Variants in POLD1 observed in about 807,000 individuals in gnomAD.
The protein encoded by POLD1 is DNA polymerase delta catalytic subunit.
Under a neutral mutation model 129.7 loss-of-function variants are expected in POLD1, and 79 were observed. The ratio of observed to expected loss-of-function variants is 0.61; its 90% CI spans 0.51 to 0.73. The LOEUF (loss-of-function observed/expected upper bound fraction) is 0.73, where lower values mean the gene tolerates loss of function less well. Ranked by LOEUF, POLD1 falls within the 30% of genes least tolerant of loss-of-function variation. The pLI is 0.00. For synonymous variants in POLD1, 714 were observed against 683.3 expected, an observed-to-expected ratio of 1.04 and a Z score of -0.70; for missense variants, 1,338 against 1,595.8, an observed-to-expected ratio of 0.84 and a Z score of 2.75.
Position 50,403,531 on chromosome 19 carries a change from G to A in POLD1, c.1176G>A (p.Val392=). ...TCATCCGTATCATGGACCCCGACGT[G>A]ATCACCGGTTACAACATCCAGAACT... ...STFIRIMDPD[V]ITGYNIQNFD... Residue 392 remains valine (V), a synonymous_variant, in exon 10 of 27, where the codon GTG becomes GTA. Transcript: ENST00000440232. 1.2e-6 allele frequency: 2 copies of A among 1,614,100 alleles called. No individual in the cohort carries two copies. Among genetic ancestry groups the A allele is most frequent in the Non-Finnish European group, 1.7e-6 (2 of 1,179,958 alleles).
rs200345841 is a variant in POLD1, at chr19:50,407,048, G to A, written c.1560G>A (p.Leu520=). ...VYCLKDAYLP[L]RLLERLMVLV... ...GCCTGAAGGATGCCTACCTGCCACT[G>A]CGGCTGCTGGAGCGGCTCATGGTGC... Residue 520 remains leucine (L), a synonymous_variant, in exon 13 of 27, where the codon CTG becomes CTA. Transcript: ENST00000440232. 13 of 1,613,602 alleles carry A rather than the reference G, an allele frequency of 8.1e-6. No individual in the cohort carries two copies. In the Admixed American group the frequency reaches 2.2e-4, roughly 27 times the overall value.
At chr19:50,384,626 G>A (rs1305763175) in intron 1 of POLD1, among the ~76,000 whole-genome samples, 1 of 152,052 alleles carries the variant, frequency 6.6e-6, no homozygotes, top group Non-Finnish European at 1.5e-5. Flanking sequence ...GGGCACCGTG[G>A]GGCGGGACGT....
Position 50,407,015 on chromosome 19 carries a change from T to A in POLD1, c.1527T>A (p.Ala509=), listed in dbSNP as rs1229053013. 6.2e-7 allele frequency: 1 copy of A among 1,609,690 alleles called. No homozygotes were observed. Among genetic ancestry groups the A allele is most frequent in the Non-Finnish European group, 8.5e-7 (1 of 1,178,482 alleles). The change falls in exon 13 of 27, where the codon GCT becomes GCA. Residue 509 remains alanine (A), a synonymous_variant. Coordinates refer to ENST00000440232, the MANE Select transcript of POLD1 (RefSeq NM_002691.4). ...ACGACCAGACCCGCCGCCGCCTGGC[T>A]GTGTACTGCCTGAAGGATGCCTACC... ...NGNDQTRRRL[A]VYCLKDAYLP... is the part of the protein sequence containing the mutation.
intron 3 of POLD1, among the ~76,000 whole-genome samples, chr19:50,401,290 A>G (rs1038175131): frequency 7.8e-5 from 11 of 141,794 alleles, no homozygotes; most frequent in Admixed American, 2.2e-4. Context: ...TATAACATAT[A>G]TTATATATTA....
rs1045893889 is a variant in POLD1, at chr19:50,388,977, C to T, written c.-2+4587C>T. Among the ~76,000 whole-genome samples, 7 of 151,510 alleles carry T rather than the reference C, an allele frequency of 4.6e-5. No homozygotes were observed. In the South Asian group the frequency reaches 6.3e-4, roughly 14 times the overall value. The stretch of plus-strand genomic sequence containing the variant: ...CTTCCTGAGTAGCTGGGACTATAGG[C>T]GCGCACCACCACATCTGGCTAATTT... On this transcript the variant is annotated intron_variant, in intron 1 of 26. Coordinates refer to ENST00000440232, the MANE Select transcript of POLD1 (RefSeq NM_002691.4).
In POLD1 at chr19:50,406,387, C is replaced by T. The variant is rs774984738; in HGVS notation, c.1384-20C>T. On this transcript the variant is annotated intron_variant, in intron 11 of 26. Coordinates refer to ENST00000440232, the MANE Select transcript of POLD1 (RefSeq NM_002691.4). This position sits in a 1 kb window ranked among gnomAD's most constrained non-coding sequence, Gnocchi z 5.5. ...GCCACTGCCCAGGCCCGCAGCCCAC[C>T]AGCCCACCCACCCACCTAGGTGCTG... is the stretch of plus-strand genomic sequence containing the variant. 2 of 1,607,990 alleles carry T rather than the reference C, an allele frequency of 1.2e-6. No homozygotes were observed. Among genetic ancestry groups the T allele is most frequent in the Non-Finnish European group, 1.7e-6 (2 of 1,177,002 alleles).
chr19:50,401,067 C>G (rs1046474388), intron 3 of POLD1, among the ~76,000 whole-genome samples: 11 of 151,330 alleles, frequency 7.3e-5, no homozygotes, highest in African/African-American at 2.7e-4. Flanking sequence ...GCAGGCTGAT[C>G]ACTTGAGGAC....
At chr19:50,398,035 A>G (rs765467676) in intron 1 of POLD1, among the ~76,000 whole-genome samples, 10 of 152,244 alleles carry the variant, frequency 6.6e-5, no homozygotes, top group Non-Finnish European at 1.0e-4. Context: ...AAGTAACAAT[A>G]TGATGTGCAT....
rs114722557 is a variant in POLD1 at position 50,406,635 on chromosome 19, T to C, written c.1494+118T>C. On this transcript the variant is annotated intron_variant, in intron 12 of 26. Coordinates refer to ENST00000440232, the MANE Select transcript of POLD1 (RefSeq NM_002691.4). This position sits in a 1 kb window ranked among gnomAD's most constrained non-coding sequence, Gnocchi z 5.5. ...GACCTCACTCTTTGACCTGCTGTTATGACCTGTGACCTTACCTGACGCCCA... is the reference window on the plus strand; with the variant it reads ...GACCTCACTCTTTGACCTGCTGTTACGACCTGTGACCTTACCTGACGCCCA... 36 of 747,806 alleles carry C rather than the reference T, an allele frequency of 4.8e-5. 1 individual carries two copies. The highest frequency in any genetic ancestry group is 2.7e-4 in the East Asian group (10 of 37,066). The allele number at this position is 747,806 out of a possible 1,614,324, so 46.3% of individuals were successfully genotyped here. A position where few individuals can be genotyped will look rare whatever the true frequency, so the allele number is the denominator to read the frequency against.
chr19:50,415,649 C>A, intron 21 of POLD1, 59 bp downstream of exon 21: 9 of 1,561,804 alleles, frequency 5.8e-6, no homozygotes, highest in Non-Finnish European at 7.8e-6. Context: ...GCCAGCTGGG[C>A]CCACTTCCTA....
At chr19:50,413,631 T>A in intron 18 of POLD1, 110 bp downstream of exon 18, 1 of 1,527,550 alleles carries the variant, frequency 6.5e-7, no homozygotes, top group East Asian at 2.3e-5. Context: ...CTGCCCACTC[T>A]CCTGTTGCAT....
In POLD1 at chr19:50,409,730, G is replaced by A. The variant is rs1308397389; in HGVS notation, c.2154+64G>A. ...TGGGCCCCCTGTGTAGGAGACCAGG[G>A]CTCCATGTGGGGGACCTGTATCCAG... is the stretch of plus-strand genomic sequence containing the variant. On this transcript the variant is annotated intron_variant, in intron 17 of 26. Transcript: ENST00000440232. The surrounding 1 kb of genome is among the most constrained non-coding windows in gnomAD (Gnocchi z 5.8). 3 of 1,501,174 alleles carry A rather than the reference G, an allele frequency of 2.0e-6. No homozygotes were observed. The highest frequency in any genetic ancestry group is 2.7e-6 in the Non-Finnish European group (3 of 1,113,138). The allele number at this position is 1,501,174 out of a possible 1,614,324, so 93.0% of individuals were successfully genotyped here. A position where few individuals can be genotyped will look rare whatever the true frequency, so the allele number is the denominator to read the frequency against.
chr19:50,396,550 T>G (rs1026868228), intron 1 of POLD1, among the ~76,000 whole-genome samples: 1 of 151,708 alleles, frequency 6.6e-6, no homozygotes, highest in Non-Finnish European at 1.5e-5. Context: ...CAATCTCAGC[T>G]CACTGCATGC....
At position 50,389,943 on chromosome 19, in the gene POLD1, T is replaced by C. The variant is rs554358198; in HGVS notation, c.-2+5553T>C. Among the ~76,000 whole-genome samples the C allele has an allele frequency of 8.5e-4, 114 of 134,072 alleles. 1 individual carries two copies. Among genetic ancestry groups the C allele is most frequent in the African/African-American group, 3.1e-3 (112 of 36,128 alleles). 88.0% of individuals were successfully genotyped at this position (134,072 alleles called of 152,430 possible). A position where few individuals can be genotyped will look rare whatever the true frequency, so the allele number is the denominator to read the frequency against. On this transcript the variant is annotated intron_variant, in intron 1 of 26. Coordinates refer to ENST00000440232, the MANE Select transcript of POLD1 (RefSeq NM_002691.4). ...TTTTCTTTTTTGAAACAGAGCCTCA[T>C]TGTCACCCAGGCTGGAGTGCAGTGG...
chr19:50,396,555 G>A (rs887973246), intron 1 of POLD1, among the ~76,000 whole-genome samples: 2 of 151,936 alleles, frequency 1.3e-5, no homozygotes, highest in Admixed American at 6.6e-5. Context: ...TCAGCTCACT[G>A]CATGCTCTGC....
rs192769745 is a variant in POLD1, at chr19:50,409,348, C to T, written c.2006+113C>T. 1.7e-4 allele frequency: 204 copies of T among 1,213,974 alleles called. No homozygotes were observed. In the African/African-American group the frequency reaches 2.3e-3, roughly 14 times the overall value. The allele number at this position is 1,213,974 out of a possible 1,614,324, so 75.2% of individuals were successfully genotyped here. ...CCCAGCCACCCTGCCCTCAGCTGTG[C>T]GTGAATTAGCACAAGGCATCCCCTC... On this transcript the variant is annotated intron_variant, in intron 16 of 26. Coordinates refer to ENST00000440232, the MANE Select transcript of POLD1 (RefSeq NM_002691.4). This position sits in a 1 kb window ranked among gnomAD's most constrained non-coding sequence, Gnocchi z 5.8.
chr19:50,408,775 C>A lies in POLD1; in HGVS notation c.1776-10C>A, dbSNP rs2122365375. 1 of 1,613,546 alleles carries A rather than the reference C, an allele frequency of 6.2e-7. No individual in the cohort carries two copies. Among genetic ancestry groups the A allele is most frequent in the South Asian group, 1.1e-5 (1 of 91,070 alleles). ...GCCCTGACTCCCGGCCGCGGCTGCT[C>A]CCCTCCCAGGTACTACGACGTCCCC... On this transcript the variant is annotated splice_polypyrimidine_tract_variant and intron_variant, in intron 14 of 26. Coordinates refer to ENST00000440232, the MANE Select transcript of POLD1 (RefSeq NM_002691.4).
At chr19:50,391,446 G>A (rs544977990) in intron 1 of POLD1, among the ~76,000 whole-genome samples, 2 of 152,302 alleles carry the variant, frequency 1.3e-5, no homozygotes, top group Admixed American at 6.5e-5. Context: ...CTGCAATCCC[G>A]GCACCTCGGG....
Position 50,402,726 on chromosome 19 carries a change from T to G in POLD1, c.955T>G (p.Cys319Gly), listed in dbSNP as rs1601202900. The G allele has an allele frequency of 2.5e-6, 4 of 1,593,176 alleles. No individual in the cohort carries two copies. Among genetic ancestry groups the G allele is most frequent in the Non-Finnish European group, 3.4e-6 (4 of 1,165,856 alleles). The stretch of plus-strand genomic sequence containing the variant: ...GCGCGTGCTCAGCTTCGATATCGAG[T>G]GCGCCGGCCGCAAAGGTCTGTCCCC... ...PLRVLSFDIE[C>G]AGRKGIFPEP... Residue 319 changes from cysteine (C) to glycine (G), a missense_variant, in exon 8 of 27, where the codon TGC becomes GGC. Transcript: ENST00000440232.
Sources: allele counts gnomAD v4.1 joint callset (sites outside exome capture counted in the v4.1 genomes callset), GRCh38; gene constraint gnomAD v4.1.1; non-coding constraint Gnocchi (gnomAD v3.1); transcripts MANE v1.5; gene names NCBI Gene and HGNC (gene_info 2026-07-23, HGNC 2026-07-21).